The following RIT2 variants were observed in gnomAD, a reference collection of about 807,000 sequenced individuals.
RIT2 encodes GTP-binding protein Rit2.
A neutral mutation model predicts 23.7 loss-of-function variants in RIT2; 24 were observed. That is an observed-to-expected ratio of 1.01 (90% confidence interval 0.73 to 1.43). The LOEUF (loss-of-function observed/expected upper bound fraction) is 1.43, where lower values mean the gene tolerates loss of function less well. Among genes scored for constraint, RIT2 ranks in the 40% most tolerant of loss-of-function variants. The probability of loss-of-function intolerance (pLI) is 0.00; values close to 1 mark genes in which losing one functional copy is unlikely to be tolerated. For missense variants in RIT2, 236 were observed against 266.9 expected, an observed-to-expected ratio of 0.88 and a Z score of 0.81; for synonymous variants, 107 against 91.1, an observed-to-expected ratio of 1.17 and a Z score of -0.99.
chr18:42,988,732 G>A (rs1162076306), intron 2 of RIT2, among the ~76,000 whole-genome samples: 3 of 152,156 alleles, frequency 2.0e-5, no homozygotes, highest in Admixed American at 6.5e-5. Context: ...AAGAGAAAGC[G>A]GAAAGCAGGG....
At chr18:42,939,341 G>C (rs1909538244) in intron 3 of RIT2, among the ~76,000 whole-genome samples, 1 of 152,112 alleles carries the variant, frequency 6.6e-6, no homozygotes, top group African/African-American at 2.4e-5. Context: ...GCAAGACCAA[G>C]TCCGTTATTA....
At chr18:42,840,844 T>C (rs2144023484) in intron 4 of RIT2, among the ~76,000 whole-genome samples, 1 of 152,336 alleles carries the variant, frequency 6.6e-6, no homozygotes. Context: ...CATTCCTAAA[T>C]GGGGTATCTA....
intron 2 of RIT2, among the ~76,000 whole-genome samples, chr18:43,001,546 T>C (rs1911108040): frequency 6.6e-6 from 1 of 152,000 alleles, no homozygotes; most frequent in Non-Finnish European, 1.5e-5. Context: ...TTAGATTGAA[T>C]ATCTTTTAAG....
At chr18:43,088,351 G>A (rs1312016937) in intron 1 of RIT2, among the ~76,000 whole-genome samples, 1 of 152,136 alleles carries the variant, frequency 6.6e-6, no homozygotes, top group Non-Finnish European at 1.5e-5. Flanking sequence ...CTAATACATT[G>A]TATTTTATGA....
chr18:42,855,042 G>A (rs1055406840), intron 4 of RIT2, among the ~76,000 whole-genome samples: 1 of 152,144 alleles, frequency 6.6e-6, no homozygotes, highest in Admixed American at 6.6e-5. Flanking sequence ...AATTTAGGGA[G>A]AGTCAACATC....
intron 4 of RIT2, among the ~76,000 whole-genome samples, chr18:42,815,672 A>T (rs1905974721): frequency 6.6e-6 from 1 of 152,204 alleles, no homozygotes; most frequent in Admixed American, 6.5e-5. Flanking sequence ...GAATTTTAGT[A>T]GAATAGCCCT....
At chr18:43,057,553 G>A (rs1260565161) in intron 1 of RIT2, among the ~76,000 whole-genome samples, 1 of 152,238 alleles carries the variant, frequency 6.6e-6, no homozygotes. Context: ...TATTAAACAT[G>A]GATCATTCTG....
At chr18:43,070,598 T>C (rs961361935) in intron 1 of RIT2, among the ~76,000 whole-genome samples, 2 of 152,218 alleles carry the variant, frequency 1.3e-5, no homozygotes, top group Non-Finnish European at 2.9e-5. Flanking sequence ...CCAGAGTGAA[T>C]GCAGTGGAGG....
At chr18:42,765,742 T>A (rs774333301) in intron 4 of RIT2, among the ~76,000 whole-genome samples, 12 of 152,240 alleles carry the variant, frequency 7.9e-5, no homozygotes, top group Admixed American at 1.3e-4. Context: ...ACACATATAA[T>A]ACATAATATG....
chr18:43,092,432 C>T (rs1913444707), intron 1 of RIT2, among the ~76,000 whole-genome samples: 1 of 152,052 alleles, frequency 6.6e-6, no homozygotes, highest in Non-Finnish European at 1.5e-5. Flanking sequence ...CTTTTATTCC[C>T]TAAAATCTAT....
intron 1 of RIT2, among the ~76,000 whole-genome samples, chr18:43,083,749 A>C (rs910465644): frequency 6.6e-6 from 1 of 152,208 alleles, no homozygotes; most frequent in African/African-American, 2.4e-5. Flanking sequence ...TGGACTAAAG[A>C]ATTAAATATA....
chr18:42,916,738 A>G (rs1908919702), intron 4 of RIT2, among the ~76,000 whole-genome samples: 1 of 152,092 alleles, frequency 6.6e-6, no homozygotes, highest in Admixed American at 6.6e-5. Flanking sequence ...TAGATAACCT[A>G]CTGACATTAT....
chr18:42,808,637 T>C (rs1431950082), intron 4 of RIT2, among the ~76,000 whole-genome samples: 2 of 152,108 alleles, frequency 1.3e-5, no homozygotes, highest in African/African-American at 4.8e-5. Context: ...CAGTTAAAAG[T>C]TTGATTAAAC....
chr18:42,791,196 TTC>T (rs1293147707), intron 4 of RIT2, among the ~76,000 whole-genome samples: 1 of 152,226 alleles, frequency 6.6e-6, no homozygotes, highest in African/African-American at 2.4e-5. Context: ...TAATCTAATT[TTC>T]TTTTTTTCTT....
At chr18:42,867,098 A>C (rs756353170) in intron 4 of RIT2, among the ~76,000 whole-genome samples, 2 of 152,150 alleles carry the variant, frequency 1.3e-5, no homozygotes, top group Non-Finnish European at 2.9e-5. Context: ...CTTAATTGGG[A>C]GGGAGGCTTC....
chr18:43,104,962 C>G (rs1913773787), intron 1 of RIT2, among the ~76,000 whole-genome samples: 1 of 152,078 alleles, frequency 6.6e-6, no homozygotes, highest in African/African-American at 2.4e-5. Flanking sequence ...AAACAATACA[C>G]AAATTGGAAA....
chr18:43,003,134 C>T (rs1911146663), intron 2 of RIT2, among the ~76,000 whole-genome samples: 1 of 151,866 alleles, frequency 6.6e-6, no homozygotes, highest in Admixed American at 6.6e-5. Flanking sequence ...CCAGTGAGAC[C>T]TGGGTCAAAA....
chr18:42,929,114 G>A (rs943043555), intron 3 of RIT2, among the ~76,000 whole-genome samples: 1 of 146,598 alleles, frequency 6.8e-6, no homozygotes, highest in Non-Finnish European at 1.5e-5. Context: ...TGAGGAGACA[G>A]AGTTTGATTT....
At chr18:43,097,457 T>C (rs1261267585) in intron 1 of RIT2, among the ~76,000 whole-genome samples, 1 of 151,920 alleles carries the variant, frequency 6.6e-6, no homozygotes, top group Non-Finnish European at 1.5e-5. Context: ...ACTGTGGGTT[T>C]GGATATTTAC....
Sources: gnomAD v4.1 joint callset for allele counts (sites outside exome capture counted in the v4.1 genomes callset) on GRCh38, gnomAD v4.1.1 for gene constraint, MANE v1.5 for transcripts, NCBI Gene and HGNC (gene_info 2026-07-23, HGNC 2026-07-21) for gene names.